Variants in VMP1 observed in about 807,000 individuals in gnomAD.
VMP1 encodes vacuole membrane protein 1.
VMP1 carries 11 observed loss-of-function variants against 56.0 expected under a neutral mutation model. The ratio of observed to expected loss-of-function variants is 0.20; its 90% CI spans 0.12 to 0.32. The LOEUF is 0.32. VMP1 is among the 10% of genes least tolerant of loss of function. VMP1 has a pLI of 1.00. For synonymous variants in VMP1, 149 were observed against 165.0 expected, an observed-to-expected ratio of 0.90 and a Z score of 0.74; for missense variants, 296 against 490.3, an observed-to-expected ratio of 0.60 and a Z score of 3.74.
At chr17:59,816,348 A>G (rs545942305) in intron 9 of VMP1, among the ~76,000 whole-genome samples, 10 of 151,954 alleles carry the variant, frequency 6.6e-5, no homozygotes, top group Non-Finnish European at 1.5e-4. Context: ...TTTGGTATAG[A>G]CCCCCTGCTT....
At chr17:59,794,823 T>G (rs2037376943) in intron 7 of VMP1, among the ~76,000 whole-genome samples, 1 of 151,598 alleles carries the variant, frequency 6.6e-6, no homozygotes, top group Non-Finnish European at 1.5e-5. Context: ...TAGTAGGTTG[T>G]TTGTGAGTTT....
intron 10 of VMP1, among the ~76,000 whole-genome samples, chr17:59,826,950 T>A (rs148805301): frequency 1.7e-3 from 258 of 152,302 alleles, no homozygotes; most frequent in Non-Finnish European, 3.0e-3. Context: ...GAATTCTGTC[T>A]ATTCTCCTGT....
In VMP1 at chr17:59,711,790, C is replaced by T. The variant is rs183274192; in HGVS notation, c.-27+4042C>T. ...AATCTATTGAGTAATTATATCACAG[C>T]TAATATACCTATAATTGCTCAAGAG... On this transcript the variant is annotated intron_variant, in intron 1 of 11. Coordinates refer to ENST00000262291, the MANE Select transcript of VMP1 (RefSeq NM_030938.5). Among the ~76,000 whole-genome samples the T allele has an allele frequency of 2.5e-3, 384 of 152,244 alleles. 6 individuals are homozygous for T. Among genetic ancestry groups the T allele is most frequent in the Admixed American group, 4.6e-4 (7 of 15,288 alleles).
chr17:59,722,566 C>T (rs1056282003), intron 1 of VMP1, among the ~76,000 whole-genome samples: 1 of 152,176 alleles, frequency 6.6e-6, no homozygotes, highest in South Asian at 2.1e-4. Context: ...TTAGGCTGGG[C>T]ACAGTGGCTT....
rs749338275 is a variant in VMP1, at chr17:59,839,807, G to A, written c.1117G>A (p.Val373Ile). The A allele has an allele frequency of 3.3e-5, 54 of 1,612,854 alleles. No homozygotes were observed. Among genetic ancestry groups the A allele is most frequent in the Non-Finnish European group, 4.2e-5 (50 of 1,179,778 alleles). ...GTCCTGGATGTTTGAAAAGTTGGTC[G>A]TTGTCATGGTGTGTTACTTCATCCT... Reference protein sequence around the residue: ...WLSWMFEKLVVVMVCYFILSI... With the variant: ...WLSWMFEKLVIVMVCYFILSI... Residue 373 changes from valine (V) to isoleucine (I), a missense_variant, in exon 12 of 12, where the codon GTT (valine) becomes ATT (isoleucine). Transcript: ENST00000262291.
chr17:59,790,355 C>T (rs552025383), intron 7 of VMP1, among the ~76,000 whole-genome samples: 1 of 152,198 alleles, frequency 6.6e-6, no homozygotes, highest in African/African-American at 2.4e-5. Flanking sequence ...TTGCCCCATT[C>T]CCTGACATGG....
At chr17:59,710,513 TACAC>T (rs1263377859) in intron 1 of VMP1, among the ~76,000 whole-genome samples, 1 of 152,206 alleles carries the variant, frequency 6.6e-6, no homozygotes, top group East Asian at 1.9e-4. Context: ...CACACGTAAA[TACAC>T]ACATACGCAC....
intron 9 of VMP1, among the ~76,000 whole-genome samples, chr17:59,816,233 T>G (rs923068637): frequency 6.6e-6 from 1 of 152,204 alleles, no homozygotes; most frequent in Admixed American, 6.6e-5. Flanking sequence ...ATTTTGATTG[T>G]TAAGAAATGA....
intron 7 of VMP1, among the ~76,000 whole-genome samples, chr17:59,806,529 A>G (rs1423166455): frequency 1.3e-5 from 2 of 151,998 alleles, no homozygotes; most frequent in African/African-American, 4.8e-5. Context: ...CAGCCTGACA[A>G]TATGATGAAA....
At chr17:59,742,286 T>C (rs1237447484) in intron 5 of VMP1, among the ~76,000 whole-genome samples, 5 of 152,012 alleles carry the variant, frequency 3.3e-5, no homozygotes, top group Admixed American at 1.3e-4. Context: ...GGCAGGAGGA[T>C]CGCTTGAGAC....
intron 2 of VMP1, among the ~76,000 whole-genome samples, chr17:59,731,794 G>T (rs2034834600): frequency 6.6e-6 from 1 of 152,082 alleles, no homozygotes; most frequent in Non-Finnish European, 1.5e-5. Context: ...TTTGCTCAGT[G>T]CTCAATTTTA....
At chr17:59,827,437 C>T (rs555074065) in intron 10 of VMP1, among the ~76,000 whole-genome samples, 28 of 152,046 alleles carry the variant, frequency 1.8e-4, no homozygotes, top group Non-Finnish European at 3.4e-4. Flanking sequence ...CTGCCTCAGC[C>T]TCCCAAGCAG....
At chr17:59,770,773 G>T (rs2036395978) in intron 6 of VMP1, among the ~76,000 whole-genome samples, 1 of 151,658 alleles carries the variant, frequency 6.6e-6, no homozygotes, top group South Asian at 2.1e-4. Context: ...GTAGACATGG[G>T]GTTTCACAAT....
chr17:59,746,618 T>G (rs188935255), intron 5 of VMP1, among the ~76,000 whole-genome samples: 1 of 152,292 alleles, frequency 6.6e-6, no homozygotes, highest in African/African-American at 2.4e-5. Flanking sequence ...TTACTAACCA[T>G]CAAGTTTTGT....
At chr17:59,765,668 T>A (rs1568106148) in intron 6 of VMP1, among the ~76,000 whole-genome samples, 1 of 152,114 alleles carries the variant, frequency 6.6e-6, no homozygotes, top group Non-Finnish European at 1.5e-5. Flanking sequence ...CCACTCCATT[T>A]TCATGTTGAA....
At chr17:59,811,853 A>T (rs760321437) in intron 9 of VMP1, 67 bp downstream of exon 9, 9 of 1,101,114 alleles carry the variant, frequency 8.2e-6, no homozygotes, top group Non-Finnish European at 1.2e-5. Context: ...AAACATGCTC[A>T]TTCCTAAGTG....
chr17:59,808,972 T>TGTTAATTC, intron 8 of VMP1, 96 bp downstream of exon 8: 1 of 1,005,508 alleles, frequency 9.9e-7, no homozygotes, highest in Non-Finnish European at 1.5e-6. Context: ...CTATCACTTT[T>TGTTAATTC]ATTGGGTATG....
chr17:59,811,187 T>A (rs1395030270), intron 8 of VMP1, among the ~76,000 whole-genome samples: 1 of 152,222 alleles, frequency 6.6e-6, no homozygotes, highest in African/African-American at 2.4e-5. Flanking sequence ...TATTTGCTAA[T>A]GATATGAGTG....
chr17:59,780,149 A>G (rs1005231343), intron 7 of VMP1, among the ~76,000 whole-genome samples: 10 of 152,174 alleles, frequency 6.6e-5, no homozygotes, highest in African/African-American at 2.4e-4. Flanking sequence ...AGGTTTGGCT[A>G]TTTTCATCCT....
Sources: allele counts gnomAD v4.1 joint callset (sites outside exome capture counted in the v4.1 genomes callset), GRCh38; gene constraint gnomAD v4.1.1; transcripts MANE v1.5; gene names NCBI Gene and HGNC (gene_info 2026-07-23, HGNC 2026-07-21).